HTR1F: variants seen among roughly 807,000 people sequenced by gnomAD.
The protein encoded by HTR1F is 5-hydroxytryptamine (serotonin) receptor 1F, G protein-coupled.
A neutral mutation model predicts 24.0 loss-of-function variants in HTR1F; 17 were observed. The ratio of observed to expected loss-of-function variants is 0.71; its 90% CI spans 0.48 to 1.06. The LOEUF is 1.06. Among genes scored for constraint, HTR1F ranks in the 50% least tolerant of loss-of-function variants. The pLI, the probability that HTR1F is intolerant of heterozygous loss-of-function variation, is 0.00. For synonymous variants in HTR1F, 186 were observed against 156.8 expected, an observed-to-expected ratio of 1.19 and a Z score of -1.39; for missense variants, 391 against 427.8, an observed-to-expected ratio of 0.91 and a Z score of 0.76.
At chr3:87,876,297 T>G (rs2107269022) in intron 2 of HTR1F, among the ~76,000 whole-genome samples, 2 of 152,302 alleles carry the variant, frequency 1.3e-5, no homozygotes, top group Middle Eastern at 6.8e-3. Flanking sequence ...GAAGAGCTGT[T>G]CCCACACCTA....
chr3:87,796,454 T>C (rs968027201), intron 1 of HTR1F, among the ~76,000 whole-genome samples: 1 of 152,154 alleles, frequency 6.6e-6, no homozygotes, highest in African/African-American at 2.4e-5. Context: ...GTCATCATTA[T>C]ATAAATGGCA....
intron 2 of HTR1F, among the ~76,000 whole-genome samples, chr3:87,911,351 A>G (rs1250015118): frequency 6.6e-6 from 1 of 152,170 alleles, no homozygotes; most frequent in Non-Finnish European, 1.5e-5. Context: ...TGTGCATACA[A>G]TCTAGAAAAC....
At chr3:87,924,218 T>C (rs954097585) in intron 2 of HTR1F, among the ~76,000 whole-genome samples, 26 of 152,118 alleles carry the variant, frequency 1.7e-4, no homozygotes, top group African/African-American at 6.3e-4. Flanking sequence ...TGTTCAGTGA[T>C]GGTAAAATTG....
chr3:87,933,885 C>T (rs1478814570), intron 2 of HTR1F, among the ~76,000 whole-genome samples: 1 of 152,124 alleles, frequency 6.6e-6, no homozygotes, highest in Non-Finnish European at 1.5e-5. Flanking sequence ...GCATGCTCTG[C>T]CAAGATACTT....
intron 2 of HTR1F, among the ~76,000 whole-genome samples, chr3:87,934,672 C>G (rs2107419139): frequency 6.6e-6 from 1 of 152,236 alleles, no homozygotes; most frequent in Non-Finnish European, 1.5e-5. Flanking sequence ...ACAATCACTT[C>G]CAGGCAAATC....
At chr3:87,908,850 G>T (rs1487439132) in intron 2 of HTR1F, among the ~76,000 whole-genome samples, 2 of 152,082 alleles carry the variant, frequency 1.3e-5, no homozygotes, top group Non-Finnish European at 2.9e-5. Context: ...TAGGCTTGTA[G>T]AAATTCTCAT....
chr3:87,901,959 A>G (rs1393108147), intron 2 of HTR1F, among the ~76,000 whole-genome samples: 1 of 152,128 alleles, frequency 6.6e-6, no homozygotes, highest in Non-Finnish European at 1.5e-5. Flanking sequence ...ATGCAGTAAT[A>G]AACCATAGTT....
At chr3:87,829,965 T>A (rs184830071) in intron 2 of HTR1F, among the ~76,000 whole-genome samples, 1 of 152,280 alleles carries the variant, frequency 6.6e-6, no homozygotes, top group East Asian at 1.9e-4. Context: ...AAATTTTTTA[T>A]CCTTAAATAG....
chr3:87,835,526 A>G (rs1704666735), intron 2 of HTR1F, among the ~76,000 whole-genome samples: 1 of 152,224 alleles, frequency 6.6e-6, no homozygotes, highest in South Asian at 2.1e-4. Flanking sequence ...TAGTGATGCC[A>G]TGTAGTTGAT....
At chr3:87,818,259 T>C (rs1203960970) in intron 1 of HTR1F, among the ~76,000 whole-genome samples, 3 of 152,116 alleles carry the variant, frequency 2.0e-5, no homozygotes, top group South Asian at 4.1e-4. Context: ...CAAATCAACA[T>C]AGATACCAGA....
intron 2 of HTR1F, among the ~76,000 whole-genome samples, chr3:87,947,300 G>C (rs954920613): frequency 6.6e-6 from 1 of 152,018 alleles, no homozygotes; most frequent in Admixed American, 6.5e-5. Context: ...AATGTTAAAA[G>C]ACAGGAAAAA....
In HTR1F at chr3:87,978,632, G is replaced by A. The variant is rs1312306882; in HGVS notation, c.-42-12076G>A. Among the ~76,000 whole-genome samples, 4 of 151,966 alleles carry A rather than the reference G, an allele frequency of 2.6e-5. No individual in the cohort carries two copies. In the East Asian group the frequency reaches 7.8e-4, roughly 30 times the overall value. ...ACATTTGTGGAGCCCTCAGCAGAGA[G>A]GAGTCCAGGAGTGGATAGCTCCTTT... On this transcript the variant is annotated intron_variant, in intron 2 of 2. Coordinates refer to ENST00000319595, the MANE Select transcript of HTR1F (RefSeq NM_001322209.2).
At chr3:87,873,262 G>A (rs1290086544) in intron 2 of HTR1F, among the ~76,000 whole-genome samples, 57 of 152,088 alleles carry the variant, frequency 3.7e-4, no homozygotes, top group Admixed American at 3.7e-3. Context: ...AAGTCCAAAA[G>A]TCTGAGAACC....
At chr3:87,817,102 C>T (rs930188000) in intron 1 of HTR1F, among the ~76,000 whole-genome samples, 10 of 152,236 alleles carry the variant, frequency 6.6e-5, no homozygotes, top group Admixed American at 3.9e-4. Context: ...TGAGTGCACA[C>T]ACAAGATATC....
At chr3:87,907,823 A>T (rs1471023981) in intron 2 of HTR1F, among the ~76,000 whole-genome samples, 1 of 152,050 alleles carries the variant, frequency 6.6e-6, no homozygotes, top group Non-Finnish European at 1.5e-5. Context: ...CTCAAGATGA[A>T]AGCAATGGAA....
intron 2 of HTR1F, among the ~76,000 whole-genome samples, chr3:87,897,770 A>G (rs1706234187): frequency 6.6e-6 from 1 of 152,042 alleles, no homozygotes; most frequent in South Asian, 2.1e-4. Context: ...ACACTCCTGC[A>G]TACGTCATTT....
chr3:87,990,588 T>C (rs1705798641), intron 2 of HTR1F, 120 bp from the exon 3 acceptor site: 2 of 551,736 alleles, frequency 3.6e-6, no homozygotes, highest in Non-Finnish European at 6.2e-6. Flanking sequence ...GAACCTCATT[T>C]TTTTAATCTA....
chr3:87,980,999 G>T (rs556289674), intron 2 of HTR1F, among the ~76,000 whole-genome samples: 3 of 152,150 alleles, frequency 2.0e-5, no homozygotes, highest in East Asian at 3.9e-4. Flanking sequence ...CTGCACCTGG[G>T]GGGGTGGGGC....
rs866640359 is a variant in HTR1F, at chr3:87,869,716, G to A, written c.-43+47592G>A. On this transcript the variant is annotated intron_variant, in intron 2 of 2. Transcript: ENST00000319595. ...TTATTACTTGCGGGAGAAGCCTTTC[G>A]GTCCTATTTAGGATTTTAACTGATT... Among the ~76,000 whole-genome samples the A allele has an allele frequency of 5.9e-5, 9 of 152,072 alleles. No individual in the cohort carries two copies. The South Asian group carries it at 1.7e-3, about 28-fold the overall frequency.
Sources: allele counts gnomAD v4.1 joint callset (sites outside exome capture counted in the v4.1 genomes callset), GRCh38; gene constraint gnomAD v4.1.1; transcripts MANE v1.5; gene names NCBI Gene and HGNC (gene_info 2026-07-23, HGNC 2026-07-21).